Variants in SGCD observed in about 807,000 individuals in gnomAD.
SGCD encodes sarcoglycan delta.
In SGCD, 18 loss-of-function variants were observed where a neutral mutation model predicts 36.6. The ratio of observed to expected loss-of-function variants is 0.49; its 90% CI spans 0.34 to 0.73. The LOEUF (loss-of-function observed/expected upper bound fraction) is 0.73, where lower values mean the gene tolerates loss of function less well. Ranked by LOEUF, SGCD falls within the 30% of genes least tolerant of loss-of-function variation. SGCD has a pLI of 0.01. For missense variants in SGCD, 387 were observed against 346.7 expected (o/e 1.12, Z -0.92); for synonymous variants, 133 against 130.6 (o/e 1.02, Z -0.12).
At chr5:156,516,338 C>T (rs904555331) in intron 4 of SGCD, among the ~76,000 whole-genome samples, 7 of 152,328 alleles carry the variant, frequency 4.6e-5, no homozygotes, top group South Asian at 2.1e-4. Flanking sequence ...AGCAGACAGC[C>T]GTCCTTGCTG....
chr5:156,575,416 C>A (rs1346498020), intron 4 of SGCD, among the ~76,000 whole-genome samples: 1 of 152,210 alleles, frequency 6.6e-6, no homozygotes, highest in Non-Finnish European at 1.5e-5. Flanking sequence ...TTAGACTACA[C>A]ATTCCACTGT....
intron 1 of SGCD, among the ~76,000 whole-genome samples, chr5:155,959,546 T>C (rs1284889736): frequency 1.3e-5 from 2 of 152,156 alleles, no homozygotes; most frequent in Non-Finnish European, 2.9e-5. Context: ...GAAAGCCTTA[T>C]GTTATGTTTC....
At chr5:156,544,755 C>T (rs1283300345) in intron 4 of SGCD, among the ~76,000 whole-genome samples, 1 of 152,086 alleles carries the variant, frequency 6.6e-6, no homozygotes, top group Non-Finnish European at 1.5e-5. Flanking sequence ...GGTATGTACA[C>T]AAATAGTAGC....
intron 2 of SGCD, among the ~76,000 whole-genome samples, chr5:156,335,662 C>G (rs1768311590): frequency 6.6e-6 from 1 of 152,206 alleles, no homozygotes; most frequent in African/African-American, 2.4e-5. Flanking sequence ...CCATCCCCCT[C>G]CTGCCCTCCA....
At chr5:156,518,093 C>G (rs1046181674) in intron 4 of SGCD, among the ~76,000 whole-genome samples, 2 of 152,032 alleles carry the variant, frequency 1.3e-5, no homozygotes, top group Non-Finnish European at 2.9e-5. Flanking sequence ...TTCAAGAGAC[C>G]CATCTCACGT....
intron 3 of SGCD, among the ~76,000 whole-genome samples, chr5:156,450,470 T>C (rs1753958083): frequency 6.6e-6 from 1 of 151,624 alleles, no homozygotes; most frequent in Non-Finnish European, 1.5e-5. Context: ...AAAGTCACTC[T>C]ACATTTTTCT....
intron 1 of SGCD, among the ~76,000 whole-genome samples, chr5:155,875,701 G>A (rs1207644670): frequency 6.7e-6 from 1 of 148,316 alleles, no homozygotes; most frequent in African/African-American, 2.5e-5. Context: ...AGCCTTAATA[G>A]TAACTGCCTG....
At chr5:156,508,934 A>G (rs1756821561) in intron 4 of SGCD, among the ~76,000 whole-genome samples, 1 of 152,184 alleles carries the variant, frequency 6.6e-6, no homozygotes, top group African/African-American at 2.4e-5. Context: ...CCTGCTACCC[A>G]GCTTTATAGA....
At chr5:155,909,855 TA>T (rs1756595689) in intron 1 of SGCD, among the ~76,000 whole-genome samples, 1 of 152,158 alleles carries the variant, frequency 6.6e-6, no homozygotes, top group Non-Finnish European at 1.5e-5. Context: ...AAGGGTTTTT[TA>T]AAGAGAATTC....
intron 2 of SGCD, among the ~76,000 whole-genome samples, chr5:156,334,592 T>C (rs1407084013): frequency 1.3e-5 from 2 of 150,060 alleles, no homozygotes; most frequent in Admixed American, 6.7e-5. Flanking sequence ...CAGCCCCTGG[T>C]ACTGCTGGTC....
chr5:156,205,614 C>T (rs1764256550), intron 3 of SGCD, among the ~76,000 whole-genome samples: 1 of 152,004 alleles, frequency 6.6e-6, no homozygotes, highest in Admixed American at 6.6e-5. Flanking sequence ...TACAGAATGT[C>T]CTTGATATCT....
At chr5:156,020,880 T>A (rs570821360) in intron 1 of SGCD, among the ~76,000 whole-genome samples, 1 of 152,238 alleles carries the variant, frequency 6.6e-6, no homozygotes, top group Non-Finnish European at 1.5e-5. Flanking sequence ...TCCTCCTAAC[T>A]GCTGTGACCT....
intron 3 of SGCD, among the ~76,000 whole-genome samples, chr5:156,450,906 AAAAG>A (rs1234134951): frequency 6.6e-6 from 1 of 152,214 alleles, no homozygotes; most frequent in Non-Finnish European, 1.5e-5. Flanking sequence ...AATTTCAAAA[AAAAG>A]AGCAAAAAAA....
chr5:156,342,590 G>A (rs868280384), intron 2 of SGCD, among the ~76,000 whole-genome samples: 3 of 151,974 alleles, frequency 2.0e-5, no homozygotes, highest in Middle Eastern at 3.2e-3. Context: ...TGTTTAAAAA[G>A]GCCAGTGATT....
At chr5:156,363,360 G>A (rs1769911329) in intron 3 of SGCD, among the ~76,000 whole-genome samples, 2 of 151,972 alleles carry the variant, frequency 1.3e-5, no homozygotes, top group Admixed American at 6.6e-5. Flanking sequence ...TGCAACCCAC[G>A]TTTCATGTTT....
intron 3 of SGCD, among the ~76,000 whole-genome samples, chr5:156,275,187 G>A (rs1766283972): frequency 6.6e-6 from 1 of 152,072 alleles, no homozygotes; most frequent in Non-Finnish European, 1.5e-5. Flanking sequence ...AGGAAAATAG[G>A]ACAGATCACT....
intron 1 of SGCD, among the ~76,000 whole-genome samples, chr5:156,004,132 C>T (rs1402689900): frequency 6.6e-6 from 1 of 152,046 alleles, no homozygotes; most frequent in African/African-American, 2.4e-5. Context: ...TGGAAAGCAC[C>T]TTAATTAGTT....
chr5:155,771,767 GTC>G, the SGCD span, among the ~76,000 whole-genome samples: 1 of 151,788 alleles, frequency 6.6e-6, no homozygotes, highest in African/African-American at 2.4e-5. Flanking sequence ...GCCCAGGGTG[GTC>G]TTGAACTCCT....
intron 1 of SGCD, among the ~76,000 whole-genome samples, chr5:156,011,971 G>C (rs1554111792): frequency 6.6e-6 from 1 of 152,176 alleles, no homozygotes; most frequent in Non-Finnish European, 1.5e-5. Flanking sequence ...TTGTGGATAT[G>C]AAAACATAAA....
Sources: allele counts gnomAD v4.1 joint callset (sites outside exome capture counted in the v4.1 genomes callset), GRCh38; gene constraint gnomAD v4.1.1; transcripts MANE v1.5; gene names NCBI Gene and HGNC (gene_info 2026-07-23, HGNC 2026-07-21).